The following NOTCH2 variants were observed in gnomAD, a reference collection of about 807,000 sequenced individuals.
NOTCH2 encodes neurogenic locus notch homolog protein 2.
A neutral mutation model predicts 235.8 loss-of-function variants in NOTCH2; 29 were observed. The ratio of observed to expected loss-of-function variants is 0.12; its 90% CI spans 0.09 to 0.17. The LOEUF (loss-of-function observed/expected upper bound fraction) is 0.17. NOTCH2 is among the 10% of genes least tolerant of loss of function. NOTCH2 has a pLI of 1.00. For synonymous variants in NOTCH2, 1,086 were observed against 1,141.5 expected (o/e 0.95, Z 0.98); for missense variants, 2,285 against 3,150.2 (o/e 0.73, Z 6.57).
intron 1 of NOTCH2, chr1:120,054,026 GCAAAAAT>G (rs1436643722): frequency 2.7e-5 from 3 of 110,984 alleles, no homozygotes; most frequent in African/African-American, 1.1e-4. Flanking sequence ...CTATGCTAAA[GCAAAAAT>G]CAAAATGTAG....
intron 1 of NOTCH2, among the ~76,000 whole-genome samples, chr1:120,061,342 A>AC (rs1334742642): frequency 1.3e-4 from 16 of 120,252 alleles, no homozygotes; most frequent in African/African-American, 6.4e-4. Context: ...ATCTTCTCAC[A>AC]AAAAAAAAGA....
At chr1:120,027,123 T>C (rs151324501) in intron 2 of NOTCH2, among the ~76,000 whole-genome samples, 1,809 of 150,596 alleles carry the variant, frequency 0.012, 14 homozygotes, top group African/African-American at 0.043. Context: ...AGCTAATTTT[T>C]TTGCATTTTT....
Position 119,938,854 on chromosome 1 carries a change from G to A in NOTCH2, c.3184-844C>T, listed in dbSNP as rs587723572. Among the ~76,000 whole-genome samples, 23 of 152,106 alleles carry A rather than the reference G, an allele frequency of 1.5e-4. No individual in the cohort carries two copies. In the East Asian group the frequency reaches 4.4e-3, roughly 29 times the overall value. On this transcript the variant is annotated intron_variant, in intron 19 of 33. Transcript: ENST00000256646. ...CGCTACCACACCCGGCTAATTTTTT[G>A]TATTTTTAGTAGAGGCGGGGTTTCA...
At chr1:119,949,421 C>T (rs1379663727) in intron 15 of NOTCH2, among the ~76,000 whole-genome samples, 1 of 138,958 alleles carries the variant, frequency 7.2e-6, no homozygotes, top group Non-Finnish European at 1.5e-5. Flanking sequence ...GAGTCTCACT[C>T]TGACTCTCAG....
At chr1:120,055,698 T>C (rs879959728) in intron 1 of NOTCH2, among the ~76,000 whole-genome samples, 1 of 151,568 alleles carries the variant, frequency 6.6e-6, no homozygotes, top group Admixed American at 6.6e-5. Flanking sequence ...TTGGAATTTT[T>C]TCTTAAAACA....
intron 1 of NOTCH2, among the ~76,000 whole-genome samples, chr1:120,066,835 A>T (rs1655527164): frequency 6.6e-6 from 1 of 151,468 alleles, no homozygotes; most frequent in East Asian, 1.9e-4. Flanking sequence ...AAAAAAAGGA[A>T]TAATAAGAAA....
intron 22 of NOTCH2, among the ~76,000 whole-genome samples, chr1:119,931,011 G>A (rs587720880): frequency 6.6e-6 from 1 of 150,416 alleles, no homozygotes; most frequent in East Asian, 2.0e-4. Flanking sequence ...GCTGAGGCAG[G>A]AGAATGGCAT....
intron 1 of NOTCH2, among the ~76,000 whole-genome samples, chr1:120,065,471 G>T (rs587649508): frequency 6.6e-6 from 1 of 152,268 alleles, no homozygotes; most frequent in South Asian, 2.1e-4. Context: ...GCACATAAGC[G>T]CATTTGTACA....
At chr1:119,952,839 C>T (rs1650533632) in intron 14 of NOTCH2, among the ~76,000 whole-genome samples, 1 of 152,210 alleles carries the variant, frequency 6.6e-6, no homozygotes, top group Admixed American at 6.5e-5. Flanking sequence ...TGAAAGAGTT[C>T]TGAACATGTG....
In NOTCH2 at chr1:119,922,961, A is replaced by T. The variant is rs17024519; in HGVS notation, c.4860-183T>A. ...AGGAATTAGAATACTGTCCCTTGAGATCTTAAACACTAATTCCCACATAGA... is the reference window on the plus strand; with the variant it reads ...AGGAATTAGAATACTGTCCCTTGAGTTCTTAAACACTAATTCCCACATAGA... On this transcript the variant is annotated intron_variant, in intron 26 of 33. Coordinates refer to ENST00000256646, the MANE Select transcript of NOTCH2 (RefSeq NM_024408.4). Among the ~76,000 whole-genome samples the T allele has an allele frequency of 0.05, 7,677 of 152,210 alleles. 308 individuals are homozygous for T. Among genetic ancestry groups the T allele is most frequent in the South Asian group, 0.11 (514 of 4,820 alleles).
intron 12 of NOTCH2, among the ~76,000 whole-genome samples, chr1:119,957,178 G>T (rs1286688124): frequency 4.6e-5 from 7 of 152,202 alleles, no homozygotes; most frequent in African/African-American, 1.7e-4. Context: ...ATTAAACGAG[G>T]TCTCTGCCTT....
At chr1:120,043,066 A>G (rs1654643349) in intron 1 of NOTCH2, among the ~76,000 whole-genome samples, 1 of 151,670 alleles carries the variant, frequency 6.6e-6, no homozygotes, top group Non-Finnish European at 1.5e-5. Flanking sequence ...CTACCTGAAG[A>G]TGAAGCTAAT....
intron 4 of NOTCH2, 162 bp downstream of exon 4, chr1:119,996,835 C>T (rs587758605): frequency 2.0e-5 from 16 of 792,678 alleles, no homozygotes; most frequent in Middle Eastern, 2.2e-4. Flanking sequence ...TTATGGACCA[C>T]AGTGGGCCCA....
chr1:119,945,481 C>A (rs1553196944), intron 17 of NOTCH2, among the ~76,000 whole-genome samples: 1 of 152,026 alleles, frequency 6.6e-6, no homozygotes. Flanking sequence ...ACGCTCTCTA[C>A]AAGAAACCCA....
rs587673578 is a variant in NOTCH2 at position 119,968,354 on chromosome 1, T to G, written c.1109-122A>C. 2.8e-6 allele frequency: 3 copies of G among 1,089,776 alleles called. No homozygotes were observed. In the Admixed American group the frequency reaches 6.0e-5, roughly 22 times the overall value. The allele number at this position is 1,089,776 out of a possible 1,614,324, so 67.5% of individuals were successfully genotyped here. A position where few individuals can be genotyped will look rare whatever the true frequency, so the allele number is the denominator to read the frequency against. On this transcript the variant is annotated intron_variant, in intron 6 of 33. Coordinates refer to ENST00000256646, the MANE Select transcript of NOTCH2 (RefSeq NM_024408.4). ...TTCCTCAGAATCCAACATGGAGATT[T>G]ATACGCAACTTCTGCTTTGCCTGAC...
At chr1:119,931,186 C>T (rs1049647935) in intron 22 of NOTCH2, among the ~76,000 whole-genome samples, 22 of 149,932 alleles carry the variant, frequency 1.5e-4, no homozygotes, top group African/African-American at 5.1e-4. Context: ...CTAACAAAAG[C>T]AAGATTTTTT....
intron 19 of NOTCH2, among the ~76,000 whole-genome samples, chr1:119,939,048 C>G (rs1465135426): frequency 6.6e-6 from 1 of 152,054 alleles, no homozygotes; most frequent in Non-Finnish European, 1.5e-5. Flanking sequence ...TATTCTGGCA[C>G]AATGGGACAA....
At chr1:119,985,854 C>G (rs1306874384) in intron 5 of NOTCH2, among the ~76,000 whole-genome samples, 1 of 151,120 alleles carries the variant, frequency 6.6e-6, no homozygotes, top group Admixed American at 6.6e-5. Context: ...AGGATCAAGA[C>G]ACCATGAAGA....
rs1652048196 is a variant in NOTCH2, at chr1:119,987,061, T to G, written c.773A>C (p.Glu258Ala). 6.2e-7 allele frequency: 1 copy of G among 1,613,446 alleles called. No individual in the cohort carries two copies. ...GTTAGGGCAGTCATCAATATTCCTC[T>G]CACAGGTGCTCCCTTCAAAACCTGG... ...CLPGFEGSTC[E>A]RNIDDCPNHR... The change falls in exon 5 of 34, where the codon GAG becomes GCG. Residue 258 changes from glutamate to alanine, a missense_variant. Physicochemically the swap from Glu to Ala is moderately radical, Grantham distance 107. Coordinates refer to ENST00000256646, the MANE Select transcript of NOTCH2 (RefSeq NM_024408.4).
Sources: allele counts gnomAD v4.1 joint callset (sites outside exome capture counted in the v4.1 genomes callset), GRCh38; gene constraint gnomAD v4.1.1; transcripts MANE v1.5; gene names NCBI Gene and HGNC (gene_info 2026-07-23, HGNC 2026-07-21).